Variants in AASS observed in about 807,000 individuals in gnomAD.
AASS encodes aminoadipate-semialdehyde synthase.
A neutral mutation model predicts 105.4 loss-of-function variants in AASS; 86 were observed. The ratio of observed to expected loss-of-function variants is 0.82; its 90% CI spans 0.69 to 0.98. The LOEUF is 0.98. Among genes scored for constraint, AASS ranks in the 50% least tolerant of loss-of-function variants. AASS has a pLI of 0.00. For synonymous variants in AASS, 381 were observed against 394.8 expected (o/e 0.96, Z 0.41); for missense variants, 1,048 against 1,143.2 (o/e 0.92, Z 1.20).
In AASS at chr7:122,081,532, C is replaced by G; in HGVS notation, c.2248G>C (p.Ala750Pro). Residue 750 changes from alanine (A) to proline (P), a missense_variant, in exon 20 of 24, where the codon GCC becomes CCC. Coordinates refer to ENST00000417368, the MANE Select transcript of AASS (RefSeq NM_005763.4). The stretch of plus-strand genomic sequence containing the variant: ...AGAGGGTTGGCCTCAGGTCTAAAGG[C>G]AGGAAGCGCTTCTCTGTTTATAAGA... ...LGLINREALP[A>P]FRPEANPLTW... 13 of 1,613,998 alleles carry G rather than the reference C, an allele frequency of 8.1e-6. No homozygotes were observed. The highest frequency in any genetic ancestry group is 1.1e-5 in the Non-Finnish European group (13 of 1,179,888).
rs574621404 is a variant in AASS at position 122,078,879 on chromosome 7, A to G, written c.2468T>C (p.Val823Ala). 3 of 1,613,940 alleles carry G rather than the reference A, an allele frequency of 1.9e-6. No homozygotes were observed. The highest frequency in any genetic ancestry group is 2.5e-6 in the Non-Finnish European group (3 of 1,180,004). ...SILDALSKHLVMKLSYGPEEK... is the reference protein window; with the variant it reads ...SILDALSKHLAMKLSYGPEEK... ...TGGCCTACCATAGGAAAGCTTCATG[A>G]CCAAATGCTTGGAGAGGGCATCCAG... The change falls in exon 22 of 24, where the codon GTC becomes GCC. Residue 823 changes from valine to alanine, a missense_variant. Physicochemically the swap from Val to Ala is moderately conservative, Grantham distance 64 (BLOSUM62 0). Transcript: ENST00000417368.
chr7:122,081,621 T>C (rs530294885), intron 19 of AASS, 26 bp from the exon 20 acceptor site: 4 of 1,539,906 alleles, frequency 2.6e-6, no homozygotes, highest in Middle Eastern at 3.4e-4. Context: ...ATAAGCAGTA[T>C]ATAAAATTTT....
At chr7:122,119,841 AG>A (rs1795358927) in intron 4 of AASS, among the ~76,000 whole-genome samples, 1 of 152,154 alleles carries the variant, frequency 6.6e-6, no homozygotes, top group Non-Finnish European at 1.5e-5. Context: ...CAGTATATGC[AG>A]GGGGTTCGTT....
intron 4 of AASS, among the ~76,000 whole-genome samples, chr7:122,124,573 G>A (rs1273699233): frequency 2.6e-5 from 4 of 152,030 alleles, no homozygotes; most frequent in African/African-American, 7.3e-5. Context: ...GTGAGCCACC[G>A]CACCCAGTCT....
intron 1 of AASS, among the ~76,000 whole-genome samples, chr7:122,137,814 G>A (rs1796220566): frequency 6.6e-6 from 1 of 152,180 alleles, no homozygotes; most frequent in South Asian, 2.1e-4. Flanking sequence ...TAAATTCAAT[G>A]TATATTTCTG....
At chr7:122,136,824 G>A (rs1796160922) in intron 1 of AASS, among the ~76,000 whole-genome samples, 1 of 152,144 alleles carries the variant, frequency 6.6e-6, no homozygotes. Context: ...AAGCTTGAAT[G>A]TTAACCTCAC....
intron 1 of AASS, among the ~76,000 whole-genome samples, chr7:122,138,068 A>T (rs1170003744): frequency 6.6e-6 from 1 of 152,230 alleles, no homozygotes; most frequent in African/African-American, 2.4e-5. Flanking sequence ...GAATTGTAAC[A>T]GTCTTCCCTT....
At chr7:122,079,497 T>A (rs538216903) in intron 21 of AASS, 100 bp downstream of exon 21, 1 of 1,119,182 alleles carries the variant, frequency 8.9e-7, no homozygotes, top group East Asian at 2.5e-5. Context: ...GAGCAACGAA[T>A]TAATCAAAGA....
At chr7:122,113,475 A>G in intron 10 of AASS, 123 bp downstream of exon 10, 1 of 1,268,250 alleles carries the variant, frequency 7.9e-7, no homozygotes, top group South Asian at 1.3e-5. Flanking sequence ...AAATTTTAGT[A>G]TGTTTGAGTA....
chr7:122,076,948 T>C lies in AASS; in HGVS notation c.2663-341A>G, dbSNP rs544435858. 2.0e-5 allele frequency among the ~76,000 whole-genome samples: 3 copies of C among 151,538 alleles called. No individual in the cohort carries two copies. The South Asian group carries it at 6.3e-4, about 32-fold the overall frequency. On this transcript the variant is annotated intron_variant, in intron 23 of 23. Transcript: ENST00000417368. ...TGGTCAGCTTAACTTGCTAATGTCA[T>C]TTTTTTTTAAAAAAGGCAAGACACC... is the stretch of plus-strand genomic sequence containing the variant.
Position 122,092,672 on chromosome 7 carries a change from C to T in AASS, c.1875+171G>A, listed in dbSNP as rs113657262. 3.8e-3 allele frequency among the ~76,000 whole-genome samples: 579 copies of T among 151,488 alleles called. 4 individuals are homozygous for T. The highest frequency in any genetic ancestry group is 0.013 in the African/African-American group (550 of 41,258). ...CTGGGAGATGGAGGTTGCAGTGAGC[C>T]GAGATTGTGCCGTTGCACTCCAGCC... On this transcript the variant is annotated intron_variant, in intron 17 of 23. Coordinates refer to ENST00000417368, the MANE Select transcript of AASS (RefSeq NM_005763.4).
chr7:122,141,270 G>A lies in AASS; in HGVS notation c.-16+2891C>T, dbSNP rs528628778. 2.6e-5 allele frequency among the ~76,000 whole-genome samples: 4 copies of A among 152,298 alleles called. No individual in the cohort carries two copies. In the East Asian group the frequency reaches 7.7e-4, roughly 29 times the overall value. On this transcript the variant is annotated intron_variant, in intron 1 of 23. Coordinates refer to ENST00000417368, the MANE Select transcript of AASS (RefSeq NM_005763.4). The stretch of plus-strand genomic sequence containing the variant: ...CTATTAGTGTTAACTAATCTGGTCT[G>A]AGAATTTTCATATTTTCTCCAGCCC...
chr7:122,133,555 A>G lies in AASS; in HGVS notation c.172T>C (p.Leu58=). 1 of 1,614,218 alleles carries G rather than the reference A, an allele frequency of 6.2e-7. No homozygotes were observed. Among genetic ancestry groups the G allele is most frequent in the Non-Finnish European group, 8.5e-7 (1 of 1,180,042 alleles). The change falls in exon 2 of 24, where the codon TTG becomes CTG. Residue 58 remains leucine (L), a synonymous_variant. Transcript: ENST00000417368. ...GCCCGCCGATTCGAAGGCTGTATCA[A>G]GACCTTGTATCCCAGATTGGTGATG... The part of the protein sequence containing the change: ...KGITNLGYKV[L]IQPSNRRAIH...
rs954978033 is a variant in AASS at position 122,073,623 on chromosome 7, A to G, written c.*2866T>C. 2.6e-5 allele frequency among the ~76,000 whole-genome samples: 4 copies of G among 152,308 alleles called. No individual in the cohort carries two copies. Among genetic ancestry groups the G allele is most frequent in the Middle Eastern group, 3.4e-3 (1 of 294 alleles). On this transcript the variant is annotated 3_prime_UTR_variant, in exon 24 of 24. Transcript: ENST00000417368. Reference sequence around the variant, plus strand: ...ACAGTTCAAACATTCAAAGTATACAATTCAGTGGTTTTTAGTATATTCAGA... The same window carrying G: ...ACAGTTCAAACATTCAAAGTATACAGTTCAGTGGTTTTTAGTATATTCAGA...
Position 122,091,738 on chromosome 7 carries a change from C to G in AASS, c.1981G>C (p.Val661Leu). Residue 661 changes from valine (V) to leucine (L), a missense_variant, in exon 18 of 24, where the codon GTA becomes CTA. By Grantham distance (32) the Val-to-Leu change is conservative. Transcript: ENST00000417368. ...AGCAGATAGGTGGCAGACTGCATTA[C>G]ATTCATCAAAACTCCCACTGGACTC... ...SWSPVGVLMN[V>L]MQSATYLLDG... The G allele has an allele frequency of 6.2e-7, 1 of 1,611,396 alleles. No homozygotes were observed. Among genetic ancestry groups the G allele is most frequent in the Non-Finnish European group, 8.5e-7 (1 of 1,178,346 alleles).
At chr7:122,102,842 C>A (rs537696924) in intron 11 of AASS, among the ~76,000 whole-genome samples, 1 of 151,484 alleles carries the variant, frequency 6.6e-6, no homozygotes. Context: ...CAATGTCTGG[C>A]ATTAAACCAA....
chr7:122,143,124 A>G lies in AASS; in HGVS notation c.-16+1037T>C, dbSNP rs140285099. ...TGCAGGGGACAAAACAGACAAACCCAGAAACACCAAAGTGCCATCAGTGTT... is the reference window on the plus strand; with the variant it reads ...TGCAGGGGACAAAACAGACAAACCCGGAAACACCAAAGTGCCATCAGTGTT... On this transcript the variant is annotated intron_variant, in intron 1 of 23. Transcript: ENST00000417368. Among the ~76,000 whole-genome samples, 9 of 152,222 alleles carry G rather than the reference A, an allele frequency of 5.9e-5. No homozygotes were observed. In the East Asian group the frequency reaches 1.7e-3, roughly 30 times the overall value.
intron 11 of AASS, among the ~76,000 whole-genome samples, chr7:122,111,930 A>G (rs1794958060): frequency 6.6e-6 from 1 of 152,094 alleles, no homozygotes; most frequent in Non-Finnish European, 1.5e-5. Flanking sequence ...ATAAAATAAG[A>G]TTATGTATTC....
At position 122,115,184 on chromosome 7, in the gene AASS, G is replaced by A. The variant is rs1175475594; in HGVS notation, c.933C>T (p.Tyr311=). 3 of 1,614,144 alleles carry A rather than the reference G, an allele frequency of 1.9e-6. No individual in the cohort carries two copies. The highest frequency in any genetic ancestry group is 2.7e-5 in the African/African-American group (2 of 75,042). Residue 311 remains tyrosine, a synonymous_variant, in exon 9 of 24, where the codon TAC becomes TAT. Coordinates refer to ENST00000417368, the MANE Select transcript of AASS (RefSeq NM_005763.4). ...GGAGGCGAGGAGTGTTTTGTTCCCA[G>A]TAGATTCCATTAATTAAGCAAGTTG... ...PYTTCLINGI[Y]WEQNTPRLLT... is the part of the protein sequence containing the mutation.
Sources: allele counts gnomAD v4.1 joint callset (sites outside exome capture counted in the v4.1 genomes callset), GRCh38; gene constraint gnomAD v4.1.1; transcripts MANE v1.5; gene names NCBI Gene and HGNC (gene_info 2026-07-23, HGNC 2026-07-21).